ETS1: variants seen among roughly 807,000 people sequenced by gnomAD.
ETS1 encodes ETS proto-oncogene 1, transcription factor.
Under a neutral mutation model 58.6 loss-of-function variants are expected in ETS1, and 15 were observed. The observed-to-expected ratio is 0.26, with a 90% CI of 0.17 to 0.39. ETS1 has a LOEUF of 0.39. Among genes scored for constraint, ETS1 ranks in the 10% least tolerant of loss-of-function variants. The pLI, the probability that ETS1 is intolerant of heterozygous loss-of-function variation, is 1.00. For synonymous variants in ETS1, 214 were observed against 218.2 expected (o/e 0.98, Z 0.17); for missense variants, 417 against 610.5 (o/e 0.68, Z 3.34).
chr11:128,541,150 T>G (rs1225457829), intron 3 of ETS1, among the ~76,000 whole-genome samples: 2 of 152,150 alleles, frequency 1.3e-5, no homozygotes, highest in Non-Finnish European at 2.9e-5. Context: ...AGTCCCCTGG[T>G]GCTCACCAGC....
intron 3 of ETS1, among the ~76,000 whole-genome samples, chr11:128,517,790 G>A (rs1863564417): frequency 1.3e-5 from 2 of 152,238 alleles, no homozygotes; most frequent in East Asian, 1.9e-4. Flanking sequence ...GCTCCGGGAG[G>A]TTGACCACGA....
intron 3 of ETS1, among the ~76,000 whole-genome samples, chr11:128,538,204 G>A (rs912906831): frequency 1.3e-5 from 2 of 152,150 alleles, no homozygotes; most frequent in African/African-American, 2.4e-5. Context: ...ATAAAAGTAT[G>A]ATGAAATTAT....
chr11:128,584,407 A>G (rs1371982079), intron 1 of ETS1, among the ~76,000 whole-genome samples: 2 of 152,218 alleles, frequency 1.3e-5, no homozygotes, highest in Non-Finnish European at 2.9e-5. Context: ...AGGGTCCACC[A>G]TGAGTTAACA....
intron 3 of ETS1, among the ~76,000 whole-genome samples, chr11:128,515,538 A>G (rs909545863): frequency 2.6e-5 from 4 of 152,208 alleles, no homozygotes; most frequent in Non-Finnish European, 2.9e-5. Flanking sequence ...CTAAACCCTG[A>G]AATTGGCAAT....
At chr11:128,562,129 G>A (rs958331540) in intron 2 of ETS1, among the ~76,000 whole-genome samples, 2 of 152,210 alleles carry the variant, frequency 1.3e-5, no homozygotes, top group African/African-American at 2.4e-5. Context: ...TTGGCCGGAC[G>A]CGGTGGCTCA....
intron 3 of ETS1, among the ~76,000 whole-genome samples, chr11:128,539,102 G>GA (rs2135540011): frequency 6.6e-6 from 1 of 152,238 alleles, no homozygotes; most frequent in Non-Finnish European, 1.5e-5. Flanking sequence ...GCTCATATAA[G>GA]AAAAAACAGG....
chr11:128,571,501 CAAAAAAAAAAAAAAAAAAAAA>C (rs563312769), intron 2 of ETS1, among the ~76,000 whole-genome samples: 408 of 32,894 alleles, frequency 0.012, 15 homozygotes, highest in Middle Eastern at 0.05. Context: ...AAGACTCCGT[CAAAAAAAAAAAAAAAAAAAAA>C]AAAAAAAAAA....
chr11:128,539,977 T>C (rs183780676), intron 3 of ETS1, among the ~76,000 whole-genome samples: 30 of 152,288 alleles, frequency 2.0e-4, no homozygotes, highest in African/African-American at 2.6e-4. Context: ...TGAGAAAGAA[T>C]GAAGATCGAC....
At chr11:128,585,020 G>GA (rs1555092968) in intron 1 of ETS1, among the ~76,000 whole-genome samples, 6 of 15,920 alleles carry the variant, frequency 3.8e-4, no homozygotes, top group Non-Finnish European at 5.0e-4. Context: ...AGGAAAGAAA[G>GA]AAGAAAGAAA....
At chr11:128,535,582 A>G (rs917668748) in intron 3 of ETS1, among the ~76,000 whole-genome samples, 1 of 152,192 alleles carries the variant, frequency 6.6e-6, no homozygotes, top group African/African-American at 2.4e-5. Context: ...GGCAAAATAG[A>G]TTTTGAACTC....
At chr11:128,577,680 C>T (rs1864778226) in intron 1 of ETS1, among the ~76,000 whole-genome samples, 1 of 152,208 alleles carries the variant, frequency 6.6e-6, no homozygotes, top group South Asian at 2.1e-4. Context: ...TCCTGGTCTT[C>T]AGCCTCCTCC....
chr11:128,516,963 G>C (rs1378315942), intron 3 of ETS1, among the ~76,000 whole-genome samples: 1 of 152,194 alleles, frequency 6.6e-6, no homozygotes, highest in Non-Finnish European at 1.5e-5. Context: ...ACTGACCTTG[G>C]AGGTGAACAT....
chr11:128,515,279 CGT>C (rs137896708), intron 3 of ETS1, among the ~76,000 whole-genome samples: 1 of 151,504 alleles, frequency 6.6e-6, no homozygotes, highest in African/African-American at 2.4e-5. Context: ...CACACGCGCG[CGT>C]GCACACTACA....
chr11:128,517,113 G>A (rs896243196), intron 3 of ETS1, among the ~76,000 whole-genome samples: 1 of 152,172 alleles, frequency 6.6e-6, no homozygotes, highest in East Asian at 1.9e-4. Flanking sequence ...CATCTGGACT[G>A]CCAGGCCTGG....
chr11:128,467,973 C>A (rs567964484), intron 8 of ETS1, among the ~76,000 whole-genome samples: 1 of 152,258 alleles, frequency 6.6e-6, no homozygotes, highest in South Asian at 2.1e-4. Context: ...CCCTCTCAGG[C>A]GGCTGCAGGG....
chr11:128,477,044 C>T (rs923962520), intron 8 of ETS1, among the ~76,000 whole-genome samples: 4 of 152,196 alleles, frequency 2.6e-5, no homozygotes, highest in Admixed American at 6.5e-5. Context: ...AACTGGCTTC[C>T]GCACTTACAG....
At chr11:128,556,908 G>T (rs554341345) in intron 2 of ETS1, among the ~76,000 whole-genome samples, 9 of 152,130 alleles carry the variant, frequency 5.9e-5, no homozygotes, top group Non-Finnish European at 1.3e-4. Flanking sequence ...TCATTTTTTG[G>T]TTAATCAGTG....
At chr11:128,506,000 A>G (rs1024203806) in intron 3 of ETS1, among the ~76,000 whole-genome samples, 1 of 152,168 alleles carries the variant, frequency 6.6e-6, no homozygotes, top group Non-Finnish European at 1.5e-5. Context: ...AGTGGTGAGG[A>G]AGGAGGGACT....
chr11:128,511,972 A>C (rs7108992), intron 3 of ETS1, among the ~76,000 whole-genome samples: 108,066 of 152,152 alleles, frequency 0.71, 38,862 homozygotes, highest in East Asian at 0.87. Context: ...GGCAAACTGT[A>C]AAATGCTACC....
Sources: gnomAD v4.1 joint callset for allele counts (sites outside exome capture counted in the v4.1 genomes callset) on GRCh38, gnomAD v4.1.1 for gene constraint, MANE v1.5 for transcripts, NCBI Gene and HGNC (gene_info 2026-07-23, HGNC 2026-07-21) for gene names.